GRM7: variants seen among roughly 807,000 people sequenced by gnomAD.
GRM7 encodes glutamate metabotropic receptor 7.
Under a neutral mutation model 84.5 loss-of-function variants are expected in GRM7, and 35 were observed. The observed-to-expected ratio is 0.41, with a 90% CI of 0.32 to 0.55. The LOEUF (loss-of-function observed/expected upper bound fraction) is 0.55. Among genes scored for constraint, GRM7 ranks in the 20% least tolerant of loss-of-function variants. The pLI, the probability that GRM7 is intolerant of heterozygous loss-of-function variation, is 0.19. For synonymous variants in GRM7, 487 were observed against 455.1 expected (o/e 1.07, Z -0.89); for missense variants, 1,003 against 1,194.6 (o/e 0.84, Z 2.36).
chr3:7,693,505 A>G, intron 9 of GRM7: 1 of 681,476 alleles, frequency 1.5e-6, no homozygotes, highest in South Asian at 1.6e-5. Flanking sequence ...GAAAAATGCT[A>G]CATTTTTGTT....
At chr3:6,978,620 G>A (rs1278469597) in intron 1 of GRM7, among the ~76,000 whole-genome samples, 1 of 152,090 alleles carries the variant, frequency 6.6e-6, no homozygotes, top group African/African-American at 2.4e-5. Context: ...TGCAAAATGA[G>A]GATTTGTTTT....
chr3:7,445,124 C>T (rs1244373680), intron 5 of GRM7, among the ~76,000 whole-genome samples: 1 of 152,148 alleles, frequency 6.6e-6, no homozygotes, highest in African/African-American at 2.4e-5. Context: ...GTTGTCAAAA[C>T]CATCCATTTC....
chr3:7,128,870 A>G (rs1351458046), intron 1 of GRM7, among the ~76,000 whole-genome samples: 1 of 152,054 alleles, frequency 6.6e-6, no homozygotes, highest in Non-Finnish European at 1.5e-5. Flanking sequence ...TCCATGGAGA[A>G]ACATTATGGC....
At chr3:7,006,774 T>C (rs760147138) in intron 1 of GRM7, among the ~76,000 whole-genome samples, 22 of 152,210 alleles carry the variant, frequency 1.4e-4, no homozygotes, top group Non-Finnish European at 3.1e-4. Flanking sequence ...AGAACACTGA[T>C]TTCATTTTAC....
At chr3:6,890,167 C>G (rs956664851) in intron 1 of GRM7, among the ~76,000 whole-genome samples, 2 of 151,796 alleles carry the variant, frequency 1.3e-5, no homozygotes, top group African/African-American at 4.8e-5. Flanking sequence ...TTTTGTTGAT[C>G]CTTTCAAAAA....
chr3:7,372,125 G>A lies in GRM7; in HGVS notation c.1034-42898G>A, dbSNP rs181003261. Reference sequence around the variant, plus strand: ...TAAGTTATGGAAGTAGGGCGGGAGAGGTGGGTGGAAGTCTGGGCACTGTGG... The same window carrying A: ...TAAGTTATGGAAGTAGGGCGGGAGAAGTGGGTGGAAGTCTGGGCACTGTGG... On this transcript the variant is annotated intron_variant, in intron 4 of 9. Transcript: ENST00000357716. Among the ~76,000 whole-genome samples, 227 of 152,228 alleles carry A rather than the reference G, an allele frequency of 1.5e-3. 1 individual carries two copies. Among genetic ancestry groups the A allele is most frequent in the Middle Eastern group, 6.8e-3 (2 of 294 alleles).
At chr3:7,458,122 T>G (rs924481766) in intron 6 of GRM7, among the ~76,000 whole-genome samples, 2 of 152,210 alleles carry the variant, frequency 1.3e-5, no homozygotes, top group Non-Finnish European at 2.9e-5. Flanking sequence ...GTTTATTATC[T>G]GGGCTATCTG....
intron 3 of GRM7, among the ~76,000 whole-genome samples, chr3:7,302,867 T>C (rs1018741137): frequency 1.3e-5 from 2 of 151,816 alleles, no homozygotes; most frequent in African/African-American, 4.8e-5. Flanking sequence ...GCATCTTTGA[T>C]CATTTTTGGA....
chr3:7,729,726 A>T (rs1702244843), intron 9 of GRM7, among the ~76,000 whole-genome samples: 1 of 152,082 alleles, frequency 6.6e-6, no homozygotes, highest in East Asian at 1.9e-4. Flanking sequence ...TTTGTTTTTG[A>T]GACGGAGTCT....
intron 4 of GRM7, among the ~76,000 whole-genome samples, chr3:7,370,946 C>T (rs551385052): frequency 6.6e-6 from 1 of 152,216 alleles, no homozygotes; most frequent in South Asian, 2.1e-4. Context: ...CTTACATTTC[C>T]TCAAGTCTTG....
Position 7,314,328 on chromosome 3 carries a change from C to T in GRM7, c.1033+7676C>T, listed in dbSNP as rs375751967. On this transcript the variant is annotated intron_variant, in intron 4 of 9. Transcript: ENST00000357716. ...TCCATCCCCCGTCTTTCTCCCTCCC[C>T]CCTAAAAATTGATTTCACTGTCATC... Among the ~76,000 whole-genome samples, 18 of 151,072 alleles carry T rather than the reference C, an allele frequency of 1.2e-4. No individual in the cohort carries two copies. The East Asian group carries it at 3.3e-3, about 28-fold the overall frequency.
At chr3:7,048,493 G>GA (rs1001365824) in intron 1 of GRM7, among the ~76,000 whole-genome samples, 17 of 144,798 alleles carry the variant, frequency 1.2e-4, no homozygotes, top group Non-Finnish European at 1.4e-4. Flanking sequence ...CATGTTTAAA[G>GA]AAAAAAAAAA....
At chr3:7,549,744 G>A (rs17047583) in intron 7 of GRM7, among the ~76,000 whole-genome samples, 1 of 152,052 alleles carries the variant, frequency 6.6e-6, no homozygotes, top group Non-Finnish European at 1.5e-5. Context: ...GTGACAGTGA[G>A]GCCAGAAGAT....
rs965212516 is a variant in GRM7 at position 7,661,817 on chromosome 3, A to G, written c.2452-18232A>G. Among the ~76,000 whole-genome samples, 140 of 145,130 alleles carry G rather than the reference A, an allele frequency of 9.6e-4. 2 individuals are homozygous for G. The highest frequency in any genetic ancestry group is 3.0e-3 in the African/African-American group (121 of 40,496). ...CTCAAAAAAAAAAAAAAAAAAAAAA[A>G]AAATGTAAAATGCTACTATCAGTTT... is the stretch of plus-strand genomic sequence containing the variant. On this transcript the variant is annotated intron_variant, in intron 8 of 9. Coordinates refer to ENST00000357716, the MANE Select transcript of GRM7 (RefSeq NM_000844.4).
intron 1 of GRM7, among the ~76,000 whole-genome samples, chr3:7,062,486 G>A (rs1422692729): frequency 2.0e-5 from 3 of 151,628 alleles, no homozygotes; most frequent in Non-Finnish European, 4.4e-5. Flanking sequence ...TAGCTATAAA[G>A]GAACAATAAA....
Position 7,452,712 on chromosome 3 carries a change from A to G in GRM7, c.1280A>G (p.Lys427Arg). 1 of 1,613,336 alleles carries G rather than the reference A, an allele frequency of 6.2e-7. No individual in the cohort carries two copies. The change falls in exon 6 of 10, where the codon AAG becomes AGG. Residue 427 changes from lysine (K) to arginine (R), a missense_variant. Lys to Arg is a conservative substitution (Grantham distance 26). Coordinates refer to ENST00000357716, the MANE Select transcript of GRM7 (RefSeq NM_000844.4). ...GCTCACGCCCTTCACCACATGAACA[A>G]GGATCTCTGTGCTGACTACCGGGGT... ...AMAHALHHMN[K>R]DLCADYRGVC... is the part of the protein sequence containing the mutation.
At chr3:7,063,887 C>G (rs1697523952) in intron 1 of GRM7, among the ~76,000 whole-genome samples, 1 of 151,628 alleles carries the variant, frequency 6.6e-6, no homozygotes, top group South Asian at 2.1e-4. Context: ...GTTAAGGCAA[C>G]ACAAGCTAAT....
At chr3:7,621,991 CTTT>C (rs1201362518) in intron 8 of GRM7, among the ~76,000 whole-genome samples, 1 of 152,176 alleles carries the variant, frequency 6.6e-6, no homozygotes, top group Non-Finnish European at 1.5e-5. Context: ...CCTCATCAGA[CTTT>C]CTAAGTGTAC....
At chr3:7,366,384 T>G (rs1693895218) in intron 4 of GRM7, among the ~76,000 whole-genome samples, 1 of 151,950 alleles carries the variant, frequency 6.6e-6, no homozygotes, top group South Asian at 2.1e-4. Context: ...TCCAGGTTTT[T>G]AAAATTATAA....
Sources: gnomAD v4.1 joint callset for allele counts (sites outside exome capture counted in the v4.1 genomes callset) on GRCh38, gnomAD v4.1.1 for gene constraint, MANE v1.5 for transcripts, NCBI Gene and HGNC (gene_info 2026-07-23, HGNC 2026-07-21) for gene names.